Variants in ARID5B observed in about 807,000 individuals in gnomAD.
ARID5B encodes the protein AT-rich interaction domain 5B.
A neutral mutation model predicts 97.2 loss-of-function variants in ARID5B; 13 were observed. The ratio of observed to expected loss-of-function variants is 0.13; its 90% CI spans 0.09 to 0.21. ARID5B has a LOEUF of 0.21. Among genes scored for constraint, ARID5B ranks in the 10% least tolerant of loss-of-function variants. The pLI is 1.00. For synonymous variants in ARID5B, 556 were observed against 570.3 expected (o/e 0.97, Z 0.36); for missense variants, 1,210 against 1,465.3 (o/e 0.83, Z 2.84).
At chr10:62,002,807 G>C (rs374950588) in intron 4 of ARID5B, among the ~76,000 whole-genome samples, 1 of 152,130 alleles carries the variant, frequency 6.6e-6, no homozygotes, top group East Asian at 1.9e-4. Flanking sequence ...ATTACCGAGA[G>C]TGCCAGGGGG....
At chr10:61,970,426 A>T (rs1193319316) in intron 3 of ARID5B, among the ~76,000 whole-genome samples, 1 of 152,230 alleles carries the variant, frequency 6.6e-6, no homozygotes, top group African/African-American at 2.4e-5. Flanking sequence ...TCTAAAATAC[A>T]CTGTAACATA....
Position 62,065,307 on chromosome 10 carries a change from T to C in ARID5B, c.1102-4393T>C, listed in dbSNP as rs531250668. 2.0e-3 allele frequency among the ~76,000 whole-genome samples: 306 copies of C among 152,340 alleles called. 1 individual carries two copies. The highest frequency in any genetic ancestry group is 6.7e-3 in the African/African-American group (277 of 41,560). On this transcript the variant is annotated intron_variant, in intron 7 of 9. Coordinates refer to ENST00000279873, the MANE Select transcript of ARID5B (RefSeq NM_032199.3). ...CGTTATGGTTAATTGTGTGAAGTTA[T>C]GCTTCCCACTAAATTATGAACCTTG...
intron 3 of ARID5B, among the ~76,000 whole-genome samples, chr10:61,949,820 G>T (rs912969978): frequency 6.6e-6 from 1 of 152,190 alleles, no homozygotes; most frequent in Non-Finnish European, 1.5e-5. Context: ...CCTATTCCTT[G>T]CTATGCCTTT....
intron 8 of ARID5B, among the ~76,000 whole-genome samples, chr10:62,072,872 A>G (rs1429271826): frequency 6.6e-6 from 1 of 152,222 alleles, no homozygotes; most frequent in Non-Finnish European, 1.5e-5. Flanking sequence ...AATTGGTTCT[A>G]CCAAAGAAGG....
intron 3 of ARID5B, among the ~76,000 whole-genome samples, chr10:61,997,003 A>G (rs16916898): frequency 0.013 from 1,953 of 152,116 alleles, 42 homozygotes; most frequent in African/African-American, 0.042. Context: ...TGCATGAGCT[A>G]TTTGGGATGC....
At chr10:61,938,450 G>A (rs1844342524) in intron 2 of ARID5B, among the ~76,000 whole-genome samples, 2 of 152,186 alleles carry the variant, frequency 1.3e-5, no homozygotes, top group Non-Finnish European at 2.9e-5. Flanking sequence ...GATTTCTGGT[G>A]TCACCTGTCC....
Position 62,094,475 on chromosome 10 carries a change from C to T in ARID5B, c.*1445C>T. 4.3e-6 allele frequency: 1 copy of T among 231,098 alleles called. No homozygotes were observed. The highest frequency in any genetic ancestry group is 8.6e-6 in the Non-Finnish European group (1 of 116,704). The allele number at this position is 231,098 out of a possible 1,614,324, so 14.3% of individuals were successfully genotyped here. A position where few individuals can be genotyped will look rare whatever the true frequency, so the allele number is the denominator to read the frequency against. On this transcript the variant is annotated 3_prime_UTR_variant, in exon 10 of 10. Transcript: ENST00000279873. ...ATGGGGTGTGAGTTTTGTGTGTACA[C>T]ACACAGAAACATGTAAGGTGGTTTG...
chr10:62,055,071 A>C (rs984037393), intron 5 of ARID5B, among the ~76,000 whole-genome samples: 2 of 152,224 alleles, frequency 1.3e-5, no homozygotes, highest in South Asian at 4.1e-4. Flanking sequence ...GAGCTCCTTG[A>C]CACATTGGAA....
chr10:62,092,254 C>A lies in ARID5B; in HGVS notation c.2791C>A (p.Pro931Thr). The change falls in exon 10 of 10, where the codon CCC (proline) becomes ACC (threonine). Residue 931 changes from proline to threonine, a missense_variant. Pro to Thr is a conservative substitution (Grantham distance 38). This residue lies in a region of ARID5B where 800 missense variants were observed against 839.1 expected (regional missense o/e 0.95). Coordinates refer to ENST00000279873, the MANE Select transcript of ARID5B (RefSeq NM_032199.3). ...GGGCCTGGCTCATTCCACCACAGGG[C>A]CCCAGGAGAGCAAAGGCATCTCCCA... ...VLGLAHSTTGPQESKGISQFQ... is the reference protein window; with the variant it reads ...VLGLAHSTTGTQESKGISQFQ... 6.2e-7 allele frequency: 1 copy of A among 1,607,900 alleles called. No individual in the cohort carries two copies. The highest frequency in any genetic ancestry group is 1.1e-5 in the South Asian group (1 of 89,894).
chr10:61,905,555 A>C (rs1326467572), intron 2 of ARID5B, among the ~76,000 whole-genome samples: 2 of 152,080 alleles, frequency 1.3e-5, no homozygotes, highest in African/African-American at 4.8e-5. Flanking sequence ...AGACTCGGAA[A>C]GGTTATGTGG....
chr10:61,952,652 A>G (rs919390145), intron 3 of ARID5B, among the ~76,000 whole-genome samples: 5 of 152,020 alleles, frequency 3.3e-5, no homozygotes, highest in African/African-American at 1.2e-4. Flanking sequence ...TTCCTAAGAC[A>G]CTCTCTAGTG....
intron 3 of ARID5B, among the ~76,000 whole-genome samples, chr10:61,970,090 C>T (rs2132832392): frequency 6.6e-6 from 1 of 152,274 alleles, no homozygotes; most frequent in South Asian, 2.1e-4. Context: ...TATATTCTGC[C>T]TTGATTAGCC....
Position 61,993,519 on chromosome 10 carries a change from T to C in ARID5B, c.503-6572T>C, listed in dbSNP as rs971711945. ...AGGAAAATTACCTTCCGAGAAATTA[T>C]ATTCTCTTTTTTTTTCTTCATGTTA... On this transcript the variant is annotated intron_variant, in intron 3 of 9. Coordinates refer to ENST00000279873, the MANE Select transcript of ARID5B (RefSeq NM_032199.3). Among the ~76,000 whole-genome samples the C allele has an allele frequency of 3.9e-5, 6 of 152,340 alleles. 1 individual carries two copies. Among genetic ancestry groups the C allele is most frequent in the Admixed American group, 1.3e-4 (2 of 15,304 alleles).
At position 61,939,015 on chromosome 10, in the gene ARID5B, GGGGGAGGAGGAAAAAGTCATGTTT is replaced by G. The variant is rs1312251951; in HGVS notation, c.277-1143_277-1120del. On this transcript the variant is annotated intron_variant, in intron 2 of 9. Transcript: ENST00000279873. ...TGTGTGTGTGTGTGTCGGTGGGGCA[GGGGGAGGAGGAAAAAGTCATGTTT>G]GGGGAGGAGGAAAAAGTCATGTTTA... Among the ~76,000 whole-genome samples the G allele has an allele frequency of 6.0e-4, 90 of 150,652 alleles. 1 individual carries two copies. In the Middle Eastern group the frequency reaches 0.01, roughly 17 times the overall value.
rs374221335 is a variant in ARID5B, at chr10:62,013,604, G to A, written c.733+13283G>A. On this transcript the variant is annotated intron_variant, in intron 4 of 9. Transcript: ENST00000279873. ...AACTCCCCCAACTCCAGCCCCTGGT[G>A]ACCACCATTCTACTCTCTACTCCTA... is the stretch of plus-strand genomic sequence containing the variant. Among the ~76,000 whole-genome samples the A allele has an allele frequency of 3.0e-4, 45 of 151,988 alleles. 1 individual carries two copies. The East Asian group carries it at 7.0e-3, about 24-fold the overall frequency.
At chr10:61,949,979 G>T (rs1245803778) in intron 3 of ARID5B, among the ~76,000 whole-genome samples, 1 of 152,080 alleles carries the variant, frequency 6.6e-6, no homozygotes, top group Non-Finnish European at 1.5e-5. Flanking sequence ...TGGGTCTATT[G>T]TGAAGGACAA....
chr10:62,056,810 C>T (rs927121524), intron 5 of ARID5B, among the ~76,000 whole-genome samples: 3 of 152,138 alleles, frequency 2.0e-5, no homozygotes, highest in Non-Finnish European at 4.4e-5. Context: ...TGGAACACAG[C>T]CACACCCATT....
intron 4 of ARID5B, among the ~76,000 whole-genome samples, chr10:62,033,830 C>G (rs75606264): frequency 6.6e-6 from 1 of 152,150 alleles, no homozygotes; most frequent in Non-Finnish European, 1.5e-5. Context: ...ATTCTCTTGA[C>G]GAACGGTTAA....
intron 8 of ARID5B, 84 bp downstream of exon 8, chr10:62,069,881 C>G: frequency 7.4e-7 from 1 of 1,358,996 alleles, no homozygotes; most frequent in Non-Finnish European, 1.0e-6. Flanking sequence ...CAGAGGAAGT[C>G]TAAATGACCT....
Sources: gnomAD v4.1 joint callset for allele counts (sites outside exome capture counted in the v4.1 genomes callset) on GRCh38, gnomAD v4.1.1 for gene constraint, gnomAD v4.1.1 regional missense constraint, MANE v1.5 for transcripts, NCBI Gene and HGNC (gene_info 2026-07-23, HGNC 2026-07-21) for gene names.